Variants in KCNIP1 observed in about 807,000 individuals in gnomAD.
The protein encoded by KCNIP1 is A-type potassium channel modulatory protein KCNIP1.
KCNIP1 carries 18 observed loss-of-function variants against 33.0 expected under a neutral mutation model. The observed-to-expected ratio is 0.55, with a 90% CI of 0.38 to 0.81. The LOEUF is 0.81. Among genes scored for constraint, KCNIP1 ranks in the 30% least tolerant of loss-of-function variants. The pLI, the probability that KCNIP1 is intolerant of heterozygous loss-of-function variation, is 0.00. For synonymous variants in KCNIP1, 93 were observed against 98.3 expected, an observed-to-expected ratio of 0.95 and a Z score of 0.32; for missense variants, 238 against 271.6, an observed-to-expected ratio of 0.88 and a Z score of 0.87.
intron 1 of KCNIP1, among the ~76,000 whole-genome samples, chr5:170,404,063 T>G (rs1754973653): frequency 1.3e-5 from 2 of 152,102 alleles, no homozygotes; most frequent in South Asian, 4.1e-4. Flanking sequence ...TCCTCCTGCA[T>G]CTCTTGTGGG....
chr5:170,688,478 T>C (rs1453243230), intron 1 of KCNIP1, among the ~76,000 whole-genome samples: 1 of 152,218 alleles, frequency 6.6e-6, no homozygotes, highest in Non-Finnish European at 1.5e-5. Context: ...GGGAAAGTCA[T>C]ATTTTTCTCC....
intron 1 of KCNIP1, among the ~76,000 whole-genome samples, chr5:170,524,678 G>T (rs1019606431): frequency 1.3e-5 from 2 of 152,156 alleles, no homozygotes; most frequent in Non-Finnish European, 2.9e-5. Flanking sequence ...GGTGGTGGAG[G>T]GGTGGTATGG....
At chr5:170,444,783 A>T (rs1362832506) in intron 1 of KCNIP1, among the ~76,000 whole-genome samples, 5 of 151,200 alleles carry the variant, frequency 3.3e-5, no homozygotes, top group African/African-American at 1.2e-4. Flanking sequence ...GCGGGCAAGG[A>T]TAGTTATGTG....
In KCNIP1 at chr5:170,489,291, G is replaced by A. The variant is rs900190710; in HGVS notation, c.88+135327G>A. Among the ~76,000 whole-genome samples the A allele has an allele frequency of 6.6e-6, 1 of 152,240 alleles. No homozygotes were observed. Among genetic ancestry groups the A allele is most frequent in the African/African-American group, 2.4e-5 (1 of 41,474 alleles). On this transcript the variant is annotated intron_variant, in intron 1 of 7. Transcript: ENST00000377360. This position sits in a 1 kb window ranked among gnomAD's most constrained non-coding sequence, Gnocchi z 4.3. Reference sequence around the variant, plus strand: ...AGAAATTTCCCTTGAGAAGGAGAAAGCCATGCTATAGGCAATCAAGATTTG... The same window carrying A: ...AGAAATTTCCCTTGAGAAGGAGAAAACCATGCTATAGGCAATCAAGATTTG...
chr5:170,413,192 G>T (rs1269295801), intron 1 of KCNIP1, among the ~76,000 whole-genome samples: 2 of 152,208 alleles, frequency 1.3e-5, no homozygotes, highest in African/African-American at 4.8e-5. Flanking sequence ...GCAGGTCCTT[G>T]GTTCCTGTGC....
intron 1 of KCNIP1, chr5:170,712,722 T>C (rs2113858018): frequency 1.2e-6 from 1 of 844,416 alleles, no homozygotes; most frequent in Non-Finnish European, 2.1e-6. Flanking sequence ...GCTCTGCTAC[T>C]GAGAGGCTCT....
At chr5:170,587,662 G>A (rs1666950243) in intron 1 of KCNIP1, among the ~76,000 whole-genome samples, 1 of 152,120 alleles carries the variant, frequency 6.6e-6, no homozygotes, top group Non-Finnish European at 1.5e-5. Context: ...CTCTGCTTCT[G>A]TCATCACATG....
intron 1 of KCNIP1, among the ~76,000 whole-genome samples, chr5:170,394,533 T>C (rs1042922416): frequency 2.6e-5 from 4 of 152,230 alleles, no homozygotes; most frequent in Non-Finnish European, 5.9e-5. Context: ...TCCCATGCCA[T>C]GAAACATTTT....
chr5:170,504,409 G>A lies in KCNIP1; in HGVS notation c.-164G>A. The A allele has an allele frequency of 6.9e-7, 1 of 1,448,560 alleles. No individual in the cohort carries two copies. 89.7% of individuals were successfully genotyped at this position (1,448,560 alleles called of 1,614,324 possible). On this transcript the variant is annotated 5_prime_UTR_variant, in exon 1 of 8. Transcript: ENST00000328939. This position sits in a 1 kb window ranked among gnomAD's most constrained non-coding sequence, Gnocchi z 6.0. ...GCGGGGCTGAAGAAGGAAGCCAGAAGCCTCCTAGCCTCGCCTCCACGCTTG... is the reference window on the plus strand; with the variant it reads ...GCGGGGCTGAAGAAGGAAGCCAGAAACCTCCTAGCCTCGCCTCCACGCTTG...
rs192189747 is a variant in KCNIP1 at position 170,665,413 on chromosome 5, C to A, written c.62-53345C>A. The stretch of plus-strand genomic sequence containing the variant: ...AGCTGATCTGAGAGATCATCCCAAG[C>A]CTTTGTAATACGCCTGTCTCTCCTG... On this transcript the variant is annotated intron_variant, in intron 1 of 7. Coordinates refer to ENST00000328939, the MANE Select transcript of KCNIP1 (RefSeq NM_014592.4). Among the ~76,000 whole-genome samples, 75 of 152,242 alleles carry A rather than the reference C, an allele frequency of 4.9e-4. No individual in the cohort carries two copies. The East Asian group carries it at 0.012, about 24-fold the overall frequency.
At chr5:170,469,102 C>A (rs1225302852) in intron 1 of KCNIP1, among the ~76,000 whole-genome samples, 1 of 152,118 alleles carries the variant, frequency 6.6e-6, no homozygotes, top group Non-Finnish European at 1.5e-5. Flanking sequence ...TTGTGCTTAA[C>A]AAGATAACTT....
rs181028660 is a variant in KCNIP1, at chr5:170,496,879, C to A, written c.88+142915C>A. On this transcript the variant is annotated intron_variant, in intron 1 of 7. Transcript: ENST00000377360. The stretch of plus-strand genomic sequence containing the variant: ...ACTTCCACTCCTTCCAGCTCCCATC[C>A]CTTTCTACCCAGCTCCACCCTGATT... Among the ~76,000 whole-genome samples, 6 of 152,232 alleles carry A rather than the reference C, an allele frequency of 3.9e-5. No homozygotes were observed. The South Asian group carries it at 6.2e-4, about 16-fold the overall frequency.
chr5:170,713,666 G>A (rs1409311825), intron 1 of KCNIP1, among the ~76,000 whole-genome samples: 2 of 152,160 alleles, frequency 1.3e-5, no homozygotes, highest in African/African-American at 4.8e-5. Flanking sequence ...ACATTTTACA[G>A]GTCAAACAAG....
intron 1 of KCNIP1, among the ~76,000 whole-genome samples, chr5:170,612,533 G>T (rs370066268): frequency 2.6e-5 from 4 of 152,156 alleles, no homozygotes; most frequent in African/African-American, 7.2e-5. Context: ...TCTTCTGCCC[G>T]CAGGCTGAAG....
chr5:170,514,509 T>G (rs540075923), intron 1 of KCNIP1, among the ~76,000 whole-genome samples: 3 of 152,280 alleles, frequency 2.0e-5, no homozygotes, highest in Admixed American at 2.0e-4. Flanking sequence ...ACTAAAATAA[T>G]CAGGTCCTCC....
At chr5:170,565,499 A>C (rs1214096954) in intron 1 of KCNIP1, among the ~76,000 whole-genome samples, 1 of 152,130 alleles carries the variant, frequency 6.6e-6, no homozygotes. Context: ...TTTCAAAGAC[A>C]CTCTGTTCTT....
intron 1 of KCNIP1, among the ~76,000 whole-genome samples, chr5:170,356,266 T>A (rs1049890652): frequency 3.3e-5 from 5 of 152,222 alleles, no homozygotes; most frequent in Non-Finnish European, 5.9e-5. Flanking sequence ...AATCCAACCC[T>A]CAGGAGAGGG....
intron 1 of KCNIP1, among the ~76,000 whole-genome samples, chr5:170,462,066 TAACCAAG>T (rs1278020968): frequency 6.6e-6 from 1 of 152,042 alleles, no homozygotes; most frequent in African/African-American, 2.4e-5. Flanking sequence ...AAGGATTTCA[TAACCAAG>T]AACCAAAAGC....
chr5:170,732,928 G>A (rs979998535), intron 6 of KCNIP1, 24 bp downstream of exon 6: 3 of 1,452,026 alleles, frequency 2.1e-6, no homozygotes, highest in African/African-American at 1.4e-5. Context: ...CCCTGCACAT[G>A]AGCTGTAAGC....
Sources: allele counts gnomAD v4.1 joint callset (sites outside exome capture counted in the v4.1 genomes callset), GRCh38; gene constraint gnomAD v4.1.1; non-coding constraint Gnocchi (gnomAD v3.1); transcripts MANE v1.5; gene names NCBI Gene and HGNC (gene_info 2026-07-23, HGNC 2026-07-21).